DMD: variants seen among roughly 807,000 people sequenced by gnomAD.
DMD encodes the protein dystrophin, also known as mutant dystrophin.
DMD carries 63 observed loss-of-function variants against 330.1 expected under a neutral mutation model. The observed-to-expected ratio is 0.19, with a 90% CI of 0.16 to 0.24. The LOEUF is 0.24. Ranked by LOEUF, DMD falls within the 10% of genes least tolerant of loss-of-function variation. DMD has a pLI of 1.00. For synonymous variants in DMD, 1,223 were observed against 959.8 expected (o/e 1.27, Z -5.07); for missense variants, 3,344 against 2,684.1 (o/e 1.25, Z -5.43).
intron 65 of DMD, among the ~76,000 whole-genome samples, chrX:31,208,605 T>C: frequency 9.0e-6 from 1 of 111,006 alleles, no homozygotes; most frequent in East Asian, 2.8e-4. Flanking sequence ...CAATACCTTA[T>C]CAAAATAAGA....
At chrX:32,865,844 G>A (rs2082439115) in intron 2 of DMD, among the ~76,000 whole-genome samples, 1 of 112,428 alleles carries the variant, frequency 8.9e-6, no homozygotes, top group African/African-American at 3.2e-5. Context: ...GCTGTAAATG[G>A]TAAGTTAACT....
intron 55 of DMD, among the ~76,000 whole-genome samples, chrX:31,537,686 G>C (rs2073504063): frequency 9.0e-6 from 1 of 110,642 alleles, no homozygotes; most frequent in Admixed American, 9.7e-5. Flanking sequence ...TATTCCATCT[G>C]CTGGGACTCC....
chrX:32,651,707 C>T (rs762032140), intron 9 of DMD, among the ~76,000 whole-genome samples: 1 of 111,647 alleles, frequency 9.0e-6, no homozygotes, highest in African/African-American at 3.3e-5. Flanking sequence ...CCATGATGTC[C>T]TTATTTCACA....
intron 1 of DMD, among the ~76,000 whole-genome samples, chrX:33,317,628 C>G (rs2053950787): frequency 9.0e-6 from 1 of 111,080 alleles, no homozygotes; most frequent in African/African-American, 3.3e-5. Context: ...AGGTTTTACC[C>G]CCCTCTTTTT....
At chrX:32,530,539 T>G (rs891278139) in intron 17 of DMD, among the ~76,000 whole-genome samples, 1 of 112,504 alleles carries the variant, frequency 8.9e-6, no homozygotes, top group Non-Finnish European at 1.9e-5. Flanking sequence ...ATGTCACATT[T>G]ATAAGTTTTG....
intron 23 of DMD, among the ~76,000 whole-genome samples, chrX:32,465,596 T>TTG: frequency 2.1e-5 from 2 of 97,331 alleles, no homozygotes; most frequent in Non-Finnish European, 4.1e-5. Context: ...TTTTTTTTTT[T>TTG]TTTTTTTGAG....
intron 2 of DMD, among the ~76,000 whole-genome samples, chrX:32,853,014 CT>C (rs2081261102): frequency 8.9e-6 from 1 of 111,994 alleles, no homozygotes; most frequent in Admixed American, 9.5e-5. Context: ...TTAACAACAA[CT>C]AGTAACAGGC....
At chrX:33,082,950 AG>A (rs2094952370) in intron 1 of DMD, among the ~76,000 whole-genome samples, 1 of 112,179 alleles carries the variant, frequency 8.9e-6, no homozygotes, top group African/African-American at 3.2e-5. Flanking sequence ...AAACTACATC[AG>A]ATGTGCTAAG....
At chrX:32,945,403 T>A (rs1772269898) in intron 2 of DMD, among the ~76,000 whole-genome samples, 1 of 111,649 alleles carries the variant, frequency 9.0e-6, no homozygotes, top group Non-Finnish European at 1.9e-5. Flanking sequence ...TTAGTTATAA[T>A]AGTTGTCATT....
chrX:31,199,448 T>A (rs2043222196), intron 67 of DMD, among the ~76,000 whole-genome samples: 1 of 112,582 alleles, frequency 8.9e-6, no homozygotes. Context: ...TTCATATCCA[T>A]GGATGTGACT....
At chrX:31,669,541 G>A (rs2081625288) in intron 53 of DMD, among the ~76,000 whole-genome samples, 1 of 111,634 alleles carries the variant, frequency 9.0e-6, no homozygotes, top group East Asian at 2.8e-4. Flanking sequence ...TGTATATCCA[G>A]TTATTCTAGC....
chrX:32,418,565 C>T (rs749308854), intron 29 of DMD, among the ~76,000 whole-genome samples: 11 of 111,235 alleles, frequency 9.9e-5, no homozygotes, highest in Non-Finnish European at 1.9e-4. Context: ...AACTTGCCTA[C>T]TGATTGGTAA....
At chrX:32,112,018 T>C (rs749994214) in intron 44 of DMD, among the ~76,000 whole-genome samples, 49 of 112,208 alleles carry the variant, frequency 4.4e-4, no homozygotes, top group Non-Finnish European at 8.8e-4. Flanking sequence ...AGGGCATGAA[T>C]AATATATTTG....
chrX:33,019,521 C>T lies in DMD; in HGVS notation c.93+618G>A, dbSNP rs1214644192. ...CATCCCAATAAACCTCCATATATTG[C>T]ATTCCTAATACTAGTTTTCAAGGTA... On this transcript the variant is annotated intron_variant, in intron 2 of 78. Transcript: ENST00000357033. 8.1e-5 allele frequency among the ~76,000 whole-genome samples: 9 copies of T among 111,356 alleles called. No homozygotes were observed. In the Admixed American group the frequency reaches 8.6e-4, roughly 11 times the overall value.
chrX:32,010,349 A>G (rs755317953), intron 44 of DMD, among the ~76,000 whole-genome samples: 3 of 111,566 alleles, frequency 2.7e-5, no homozygotes, highest in Non-Finnish European at 3.8e-5. Context: ...GCATTCAATG[A>G]CGTCACACTG....
chrX:32,642,187 A>G (rs1423082171), intron 11 of DMD, among the ~76,000 whole-genome samples: 1 of 111,401 alleles, frequency 9.0e-6, no homozygotes, highest in Non-Finnish European at 1.9e-5. Flanking sequence ...TTATTTATAA[A>G]CTCTCATATT....
chrX:32,100,684 AG>A (rs1449256401), intron 44 of DMD, among the ~76,000 whole-genome samples: 2 of 110,469 alleles, frequency 1.8e-5, no homozygotes, highest in Non-Finnish European at 3.8e-5. Flanking sequence ...TCCTGACTAA[AG>A]TTTCTTGCAT....
chrX:33,084,029 T>G (rs942762115), intron 1 of DMD, among the ~76,000 whole-genome samples: 1 of 111,986 alleles, frequency 8.9e-6, no homozygotes, highest in Non-Finnish European at 1.9e-5. Context: ...CACCCCACCA[T>G]GAGGCTACAG....
chrX:31,519,997 G>C (rs1402145287), intron 55 of DMD, among the ~76,000 whole-genome samples: 2 of 111,807 alleles, frequency 1.8e-5, no homozygotes, highest in Non-Finnish European at 3.8e-5. Context: ...CAGTGATGGG[G>C]AGAAAACAAA....
Sources: allele counts gnomAD v4.1 joint callset (sites outside exome capture counted in the v4.1 genomes callset), GRCh38; gene constraint gnomAD v4.1.1; transcripts MANE v1.5; gene names NCBI Gene and HGNC (gene_info 2026-07-23, HGNC 2026-07-21).